HS3ST4: variants seen among roughly 807,000 people sequenced by gnomAD.
HS3ST4 encodes heparan sulfate glucosamine 3-O-sulfotransferase 4.
A neutral mutation model predicts 29.2 loss-of-function variants in HS3ST4; 17 were observed. That is an observed-to-expected ratio of 0.58 (90% confidence interval 0.40 to 0.87). HS3ST4 has a LOEUF of 0.87. Ranked by LOEUF, HS3ST4 falls within the 40% of genes least tolerant of loss-of-function variation. The pLI is 0.00. For missense variants in HS3ST4, 627 were observed against 634.5 expected (o/e 0.99, Z 0.13); for synonymous variants, 314 against 285.7 (o/e 1.10, Z -1.00).
intron 1 of HS3ST4, among the ~76,000 whole-genome samples, chr16:26,015,724 A>G (rs1221269410): frequency 2.0e-5 from 3 of 152,204 alleles, no homozygotes; most frequent in South Asian, 2.1e-4. Flanking sequence ...ACAAATTCCT[A>G]TCATTCAGGA....
intron 1 of HS3ST4, among the ~76,000 whole-genome samples, chr16:25,980,177 A>G (rs976082701): frequency 1.3e-5 from 2 of 152,070 alleles, no homozygotes; most frequent in Non-Finnish European, 2.9e-5. Context: ...ATGAAGTCTG[A>G]ACCTCCTAGG....
At chr16:25,917,030 G>T (rs1375608094) in intron 1 of HS3ST4, among the ~76,000 whole-genome samples, 1 of 152,052 alleles carries the variant, frequency 6.6e-6, no homozygotes, top group Non-Finnish European at 1.5e-5. Flanking sequence ...CTTGTCAATT[G>T]TATTACCTTG....
At chr16:25,736,743 C>A (rs1384816027) in intron 1 of HS3ST4, among the ~76,000 whole-genome samples, 2 of 152,194 alleles carry the variant, frequency 1.3e-5, no homozygotes, top group African/African-American at 4.8e-5. Flanking sequence ...CTCCTCCCCT[C>A]CCCATACTAT....
At chr16:25,873,141 TTCC>T (rs1329466113) in intron 1 of HS3ST4, among the ~76,000 whole-genome samples, 7 of 152,114 alleles carry the variant, frequency 4.6e-5, no homozygotes, top group African/African-American at 9.6e-5. Flanking sequence ...TCTTTCTTTC[TTCC>T]ATCTGTCCAT....
chr16:25,985,402 T>C (rs902150397), intron 1 of HS3ST4, among the ~76,000 whole-genome samples: 10 of 151,778 alleles, frequency 6.6e-5, no homozygotes, highest in Admixed American at 2.6e-4. Flanking sequence ...TCCAGTGAAG[T>C]GGTAGGGTAC....
At chr16:25,706,281 T>G (rs1966375387) in intron 1 of HS3ST4, among the ~76,000 whole-genome samples, 1 of 152,228 alleles carries the variant, frequency 6.6e-6, no homozygotes, top group Non-Finnish European at 1.5e-5. Flanking sequence ...CATTTGGTTC[T>G]CAATTGACCT....
chr16:26,114,831 C>A (rs1899180220), intron 1 of HS3ST4, among the ~76,000 whole-genome samples: 1 of 152,070 alleles, frequency 6.6e-6, no homozygotes, highest in Non-Finnish European at 1.5e-5. Context: ...TTAAGAAAAT[C>A]TTTAATACAC....
intron 1 of HS3ST4, among the ~76,000 whole-genome samples, chr16:25,738,059 C>T (rs573258468): frequency 6.6e-6 from 1 of 152,254 alleles, no homozygotes; most frequent in Admixed American, 6.5e-5. Context: ...CACGTGCCAC[C>T]ACGCCCAGCT....
At chr16:26,099,555 A>G (rs929754392) in intron 1 of HS3ST4, among the ~76,000 whole-genome samples, 1 of 152,222 alleles carries the variant, frequency 6.6e-6, no homozygotes, top group Non-Finnish European at 1.5e-5. Flanking sequence ...CTCACAGTCA[A>G]TACAGAAATT....
At chr16:26,121,801 A>G (rs922631907) in intron 1 of HS3ST4, among the ~76,000 whole-genome samples, 1 of 152,200 alleles carries the variant, frequency 6.6e-6, no homozygotes, top group Non-Finnish European at 1.5e-5. Context: ...CAAGGAAAGA[A>G]AACACAACAA....
chr16:25,886,138 T>C (rs1435751285), intron 1 of HS3ST4, among the ~76,000 whole-genome samples: 1 of 144,674 alleles, frequency 6.9e-6, no homozygotes, highest in Non-Finnish European at 1.5e-5. Flanking sequence ...GTTCAAGCAA[T>C]TCTCCTGCCT....
At chr16:26,002,941 ATTTTT>A (rs138032844) in intron 1 of HS3ST4, among the ~76,000 whole-genome samples, 3 of 138,930 alleles carry the variant, frequency 2.2e-5, no homozygotes, top group Admixed American at 7.3e-5. Context: ...GCATTCTTAC[ATTTTT>A]TTTTTTTTTT....
chr16:25,795,327 T>G (rs1966881321), intron 1 of HS3ST4, among the ~76,000 whole-genome samples: 1 of 152,156 alleles, frequency 6.6e-6, no homozygotes, highest in Non-Finnish European at 1.5e-5. Context: ...TGCTTTAGTC[T>G]GAGCCTTTCT....
rs73523971 is a variant in HS3ST4, at chr16:26,103,346, C to A, written c.735-32266C>A. On this transcript the variant is annotated intron_variant, in intron 1 of 1. Transcript: ENST00000331351. Reference sequence around the variant, plus strand: ...GAAGTTGTAGTGTCTGATGCGAACACAGGGCCATGTGACTCCAACTCAAGT... The same window carrying A: ...GAAGTTGTAGTGTCTGATGCGAACAAAGGGCCATGTGACTCCAACTCAAGT... Among the ~76,000 whole-genome samples, 1,059 of 152,240 alleles carry A rather than the reference C, an allele frequency of 7.0e-3. 17 individuals are homozygous for A. The highest frequency in any genetic ancestry group is 0.025 in the African/African-American group (1,021 of 41,538).
chr16:25,928,209 A>C (rs1023388703), intron 1 of HS3ST4, among the ~76,000 whole-genome samples: 1 of 151,824 alleles, frequency 6.6e-6, no homozygotes, highest in African/African-American at 2.4e-5. Context: ...AAAAAAAAAA[A>C]AAAAATTTAG....
chr16:26,135,970 G>T lies in HS3ST4; in HGVS notation c.1093G>T (p.Ala365Ser), dbSNP rs752319578. The change falls in exon 2 of 2, where the codon GCC (alanine) becomes TCC (serine). Residue 365 changes from alanine (A) to serine (S), a missense_variant. By Grantham distance (99) the Ala-to-Ser change is moderately conservative (BLOSUM62 1). This residue lies in a region of HS3ST4 where 225 missense variants were observed against 293.7 expected (regional missense o/e 0.77). Transcript: ENST00000331351. ...TGGTGAGCGACTCATTGTGGACCCC[G>T]CCGGGGAAATGGCCAAAGTACAGGA... The part of the protein sequence containing the change: ...VSGERLIVDP[A>S]GEMAKVQDFL... 2 of 1,613,836 alleles carry T rather than the reference G, an allele frequency of 1.2e-6. No homozygotes were observed. Among genetic ancestry groups the T allele is most frequent in the African/African-American group, 2.7e-5 (2 of 74,918 alleles).
rs1244574054 is a variant in HS3ST4 at position 25,944,283 on chromosome 16, G to C, written c.735-191329G>C. On this transcript the variant is annotated intron_variant, in intron 1 of 1. Coordinates refer to ENST00000331351, the MANE Select transcript of HS3ST4 (RefSeq NM_006040.3). ...CAACAGCAAGAGGGGACCTCAAAGTGGGTTGCCAGGAATGGAGCAAAGTTC... is the reference window on the plus strand; with the variant it reads ...CAACAGCAAGAGGGGACCTCAAAGTCGGTTGCCAGGAATGGAGCAAAGTTC... 1.3e-5 allele frequency among the ~76,000 whole-genome samples: 2 copies of C among 152,198 alleles called. 1 individual carries two copies. The highest frequency in any genetic ancestry group is 3.9e-4 in the East Asian group (2 of 5,178).
intron 1 of HS3ST4, among the ~76,000 whole-genome samples, chr16:25,804,052 A>T (rs573507889): frequency 6.6e-6 from 1 of 151,546 alleles, no homozygotes; most frequent in East Asian, 1.9e-4. Context: ...AGACTTGAAA[A>T]CTCTGAGTAG....
chr16:26,125,910 A>G (rs995277460), intron 1 of HS3ST4, among the ~76,000 whole-genome samples: 1 of 152,156 alleles, frequency 6.6e-6, no homozygotes, highest in Non-Finnish European at 1.5e-5. Flanking sequence ...TTCAAATTAT[A>G]ATTTCCAACT....
Sources: allele counts gnomAD v4.1 joint callset (sites outside exome capture counted in the v4.1 genomes callset), GRCh38; gene constraint gnomAD v4.1.1; regional missense constraint gnomAD v4.1.1; transcripts MANE v1.5; gene names NCBI Gene and HGNC (gene_info 2026-07-23, HGNC 2026-07-21).